The following SDK1 variants were observed in gnomAD, a reference collection of about 807,000 sequenced individuals.
The protein encoded by SDK1 is sidekick cell adhesion molecule 1.
A neutral mutation model predicts 245.5 loss-of-function variants in SDK1; 157 were observed. The observed-to-expected ratio is 0.64, with a 90% CI of 0.56 to 0.73. SDK1 has a LOEUF of 0.73. Among genes scored for constraint, SDK1 ranks in the 30% least tolerant of loss-of-function variants. The probability of loss-of-function intolerance (pLI) is 0.00; values close to 1 mark genes in which losing one functional copy is unlikely to be tolerated. For missense variants in SDK1, 3,583 were observed against 3,002.3 expected (o/e 1.19, Z -4.52); for synonymous variants, 1,647 against 1,278.5 (o/e 1.29, Z -6.15).
At chr7:3,472,716 G>T (rs1781222094) in intron 1 of SDK1, among the ~76,000 whole-genome samples, 1 of 152,184 alleles carries the variant, frequency 6.6e-6, no homozygotes, top group African/African-American at 2.4e-5. Flanking sequence ...CTTTAACCTA[G>T]ATTACTGAAT....
At chr7:3,992,512 A>C (rs1481078630) in intron 14 of SDK1, among the ~76,000 whole-genome samples, 1 of 152,220 alleles carries the variant, frequency 6.6e-6, no homozygotes, top group African/African-American at 2.4e-5. Flanking sequence ...GGATCCCTGC[A>C]TTGAGAGAGT....
intron 20 of SDK1, among the ~76,000 whole-genome samples, chr7:4,075,715 C>T (rs1219486712): frequency 6.6e-6 from 1 of 150,918 alleles, no homozygotes; most frequent in Non-Finnish European, 1.5e-5. Flanking sequence ...AGTGCAATGG[C>T]GCAATCTTGG....
At chr7:4,097,557 T>C (rs1782234425) in intron 22 of SDK1, among the ~76,000 whole-genome samples, 1 of 152,202 alleles carries the variant, frequency 6.6e-6, no homozygotes, top group African/African-American at 2.4e-5. Flanking sequence ...CAATAAAGTT[T>C]CCAACCTTGA....
At chr7:3,730,545 G>A (rs1230581664) in intron 4 of SDK1, among the ~76,000 whole-genome samples, 1 of 152,116 alleles carries the variant, frequency 6.6e-6, no homozygotes, top group Non-Finnish European at 1.5e-5. Context: ...GGGTGCCAGC[G>A]GGAAGAGCCC....
chr7:4,068,219 A>G (rs1260838384), intron 20 of SDK1, among the ~76,000 whole-genome samples: 2 of 152,212 alleles, frequency 1.3e-5, no homozygotes, highest in East Asian at 3.9e-4. Flanking sequence ...CTGACCAATG[A>G]GAGTCAGTCA....
chr7:4,265,085 C>G, intron 44 of SDK1, 39 bp from the exon 45 acceptor site: 5 of 1,594,056 alleles, frequency 3.1e-6, no homozygotes, highest in Non-Finnish European at 4.3e-6. Flanking sequence ...GGCCCTGCGC[C>G]CTGCCCTGCA....
intron 35 of SDK1, among the ~76,000 whole-genome samples, chr7:4,193,299 TA>T (rs1451691965): frequency 2.9e-5 from 4 of 135,606 alleles, no homozygotes; most frequent in East Asian, 4.0e-4. Flanking sequence ...AAATTACATA[TA>T]AAAATATTAA....
intron 26 of SDK1, chr7:4,129,622 A>C: frequency 4.7e-6 from 6 of 1,273,972 alleles, no homozygotes; most frequent in Non-Finnish European, 6.0e-6. Flanking sequence ...TGTGGTTGGC[A>C]TGGCTGCAGT....
chr7:3,887,463 T>A (rs1295027340), intron 5 of SDK1, among the ~76,000 whole-genome samples: 1 of 152,118 alleles, frequency 6.6e-6, no homozygotes, highest in Non-Finnish European at 1.5e-5. Flanking sequence ...AATTGAGCAA[T>A]CATGATCAAG....
rs536908444 is a variant in SDK1 at position 4,206,143 on chromosome 7, C to T, written c.5214+149C>T. ...AGCGTCGGAGCTTGGCTAGACCTGG[C>T]CTGTTAACTGTGGTCACAGCTGCTT... is the stretch of plus-strand genomic sequence containing the variant. On this transcript the variant is annotated intron_variant, in intron 36 of 44. Coordinates refer to ENST00000404826, the MANE Select transcript of SDK1 (RefSeq NM_152744.4). 1.7e-4 allele frequency: 101 copies of T among 603,026 alleles called. No individual in the cohort carries two copies. The Admixed American group carries it at 2.3e-3, about 14-fold the overall frequency. The allele number at this position is 603,026 out of a possible 1,614,324, so 37.4% of individuals were successfully genotyped here.
chr7:3,858,595 G>A (rs573316901), intron 5 of SDK1, among the ~76,000 whole-genome samples: 104 of 152,028 alleles, frequency 6.8e-4, no homozygotes, highest in African/African-American at 2.4e-3. Context: ...TTGTGTATAA[G>A]ACCCAGGGTT....
intron 1 of SDK1, among the ~76,000 whole-genome samples, chr7:3,535,290 G>C (rs1176259559): frequency 6.6e-6 from 1 of 152,068 alleles, no homozygotes; most frequent in Non-Finnish European, 1.5e-5. Flanking sequence ...TAAAGAAAAA[G>C]AAAACTGTTA....
intron 4 of SDK1, among the ~76,000 whole-genome samples, chr7:3,737,320 G>T (rs902833670): frequency 3.3e-5 from 5 of 152,236 alleles, no homozygotes; most frequent in Non-Finnish European, 5.9e-5. Flanking sequence ...TGCAGGCTGT[G>T]CTCTGCCGCT....
chr7:4,045,933 T>C (rs1201354355), intron 17 of SDK1, among the ~76,000 whole-genome samples: 1 of 152,144 alleles, frequency 6.6e-6, no homozygotes, highest in Non-Finnish European at 1.5e-5. Flanking sequence ...TTCTTTTTTC[T>C]GCATAGTAGG....
chr7:3,995,502 C>T (rs1321754909), intron 14 of SDK1, among the ~76,000 whole-genome samples: 1 of 152,236 alleles, frequency 6.6e-6, no homozygotes, highest in Non-Finnish European at 1.5e-5. Context: ...CCTGAGTTGC[C>T]TCAGCAGTGC....
chr7:4,210,661 T>G (rs575408270), intron 38 of SDK1, among the ~76,000 whole-genome samples: 2 of 152,334 alleles, frequency 1.3e-5, no homozygotes, highest in African/African-American at 4.8e-5. Flanking sequence ...AGCGGACATC[T>G]ATGAAGCTCC....
At chr7:4,012,004 C>G (rs1228241667) in intron 15 of SDK1, 91 bp from the exon 16 acceptor site, 1 of 1,156,210 alleles carries the variant, frequency 8.6e-7, no homozygotes, top group Admixed American at 3.1e-5. Context: ...AATAGTCAGG[C>G]TCAAGATTCA....
chr7:4,250,606 A>G (rs1195960702), intron 44 of SDK1, among the ~76,000 whole-genome samples: 8 of 152,108 alleles, frequency 5.3e-5, no homozygotes, highest in Non-Finnish European at 1.2e-4. Flanking sequence ...CGGCCTCCCA[A>G]AATGCTGGGA....
At chr7:3,506,608 C>T (rs923813269) in intron 1 of SDK1, among the ~76,000 whole-genome samples, 3 of 152,058 alleles carry the variant, frequency 2.0e-5, no homozygotes, top group Admixed American at 2.0e-4. Flanking sequence ...TGCTGTTTTC[C>T]CTTTTTACTG....
Sources: allele counts gnomAD v4.1 joint callset (sites outside exome capture counted in the v4.1 genomes callset), GRCh38; gene constraint gnomAD v4.1.1; transcripts MANE v1.5; gene names NCBI Gene and HGNC (gene_info 2026-07-23, HGNC 2026-07-21).